Variants in MTHFD1 observed in about 807,000 individuals in gnomAD.
MTHFD1 encodes the protein methylenetetrahydrofolate dehydrogenase, cyclohydrolase and formyltetrahydrofolate synthetase 1.
In MTHFD1, 44 loss-of-function variants were observed where a neutral mutation model predicts 110.3. The ratio of observed to expected loss-of-function variants is 0.40; its 90% CI spans 0.31 to 0.51. The LOEUF is 0.51. Among genes scored for constraint, MTHFD1 ranks in the 20% least tolerant of loss-of-function variants. MTHFD1 has a pLI of 0.60. For missense variants in MTHFD1, 909 were observed against 1,173.1 expected, an observed-to-expected ratio of 0.77 and a Z score of 3.29; for synonymous variants, 402 against 428.8, an observed-to-expected ratio of 0.94 and a Z score of 0.77.
chr14:64,448,464 A>G (rs2236222), intron 23 of MTHFD1, 147 bp downstream of exon 23: 59,666 of 715,754 alleles, frequency 0.083, 2,868 homozygotes, highest in East Asian at 0.19. Flanking sequence ...CAGGCATTGC[A>G]TACGTCACTG....
chr14:64,406,040 TA>T, intron 2 of MTHFD1, among the ~76,000 whole-genome samples: 1 of 138,298 alleles, frequency 7.2e-6, no homozygotes, highest in Non-Finnish European at 1.6e-5. Flanking sequence ...TAATTATTAT[TA>T]TTATTATTTT....
At chr14:64,445,740 C>T (rs2078284991) in intron 22 of MTHFD1, among the ~76,000 whole-genome samples, 1 of 152,188 alleles carries the variant, frequency 6.6e-6, no homozygotes. Flanking sequence ...TCCTGCCACC[C>T]CACAGCCTTT....
In MTHFD1 at chr14:64,430,514, T is replaced by G. The variant is rs570624588; in HGVS notation, c.1311+284T>G. On this transcript the variant is annotated intron_variant, in intron 13 of 27. Coordinates refer to ENST00000652337, the MANE Select transcript of MTHFD1 (RefSeq NM_005956.4). ...GGTTTCACCGTGTTGGCCAAGCTGG[T>G]CTTGAACTCCTGACCTCGTGATCCG... 1.1e-4 allele frequency among the ~76,000 whole-genome samples: 17 copies of G among 152,346 alleles called. No individual in the cohort carries two copies. The East Asian group carries it at 3.3e-3, about 29-fold the overall frequency.
At chr14:64,390,929 A>G (rs955633490) in intron 1 of MTHFD1, among the ~76,000 whole-genome samples, 1 of 152,050 alleles carries the variant, frequency 6.6e-6, no homozygotes, top group Non-Finnish European at 1.5e-5. Flanking sequence ...GATTACAGGC[A>G]TGAGCCACTG....
At chr14:64,421,797 T>G (rs1286305064) in intron 8 of MTHFD1, among the ~76,000 whole-genome samples, 6 of 152,026 alleles carry the variant, frequency 3.9e-5, no homozygotes, top group Non-Finnish European at 8.8e-5. Context: ...CTAATTTTTT[T>G]TGTATTTTTA....
At chr14:64,458,549 A>T (rs2140994060) in intron 27 of MTHFD1, 1 of 529,712 alleles carries the variant, frequency 1.9e-6, no homozygotes. Context: ...TTGACAGTGT[A>T]GGGGAGAAAA....
chr14:64,389,364 C>T (rs1372600593), intron 1 of MTHFD1, among the ~76,000 whole-genome samples: 1 of 152,142 alleles, frequency 6.6e-6, no homozygotes, highest in Non-Finnish European at 1.5e-5. Context: ...TTGTAATTGT[C>T]CTGTAACTCC....
At chr14:64,401,848 G>A (rs1446918809) in intron 2 of MTHFD1, among the ~76,000 whole-genome samples, 4 of 152,074 alleles carry the variant, frequency 2.6e-5, no homozygotes, top group African/African-American at 7.2e-5. Context: ...GAAAAGAGGG[G>A]CATTATTTTA....
chr14:64,428,930 C>G (rs1043125622), intron 12 of MTHFD1, among the ~76,000 whole-genome samples: 1 of 152,102 alleles, frequency 6.6e-6, no homozygotes, highest in African/African-American at 2.4e-5. Flanking sequence ...AACTTCAGCA[C>G]GAGCTATTCC....
intron 8 of MTHFD1, among the ~76,000 whole-genome samples, chr14:64,422,781 A>G (rs2078085068): frequency 6.6e-6 from 1 of 152,148 alleles, no homozygotes; most frequent in South Asian, 2.1e-4. Flanking sequence ...GGGGTAGATA[A>G]CCAAAAGGTT....
intron 22 of MTHFD1, 192 bp downstream of exon 22, chr14:64,444,926 T>TAGGG: frequency 1.6e-6 from 1 of 634,984 alleles, no homozygotes. Context: ...CAAAATAGAA[T>TAGGG]TGTCCCACAT....
At chr14:64,431,479 T>C (rs1171523322) in intron 13 of MTHFD1, 53 bp from the exon 14 acceptor site, 1 of 1,465,256 alleles carries the variant, frequency 6.8e-7, no homozygotes, top group Non-Finnish European at 9.5e-7. Context: ...AGAATGAAAG[T>C]TGGAAAGATA....
intron 2 of MTHFD1, among the ~76,000 whole-genome samples, 191 bp downstream of exon 2, chr14:64,401,068 T>G (rs1023502734): frequency 4.6e-5 from 7 of 152,240 alleles, no homozygotes; most frequent in Admixed American, 4.6e-4. Flanking sequence ...TCTGCTCTTC[T>G]CTGTGGATAC....
At chr14:64,456,929 T>A (rs181937025) in intron 26 of MTHFD1, among the ~76,000 whole-genome samples, 1 of 152,208 alleles carries the variant, frequency 6.6e-6, no homozygotes, top group Admixed American at 6.5e-5. Context: ...TTGGAACTTG[T>A]GTGTATTCAT....
Position 64,426,052 on chromosome 14 carries a change from G to A in MTHFD1, c.987G>A (p.Lys329=). ...ATATATCACGATCTTGTAAACCGAA[G>A]CCCATTGGTAAGCTGGCTCGAGAAA... ...DIDISRSCKP[K]PIGKLAREIG... is the part of the protein sequence containing the mutation. Residue 329 remains lysine, a synonymous_variant, in exon 11 of 28, where the codon AAG becomes AAA. Coordinates refer to ENST00000652337, the MANE Select transcript of MTHFD1 (RefSeq NM_005956.4). 6.2e-7 allele frequency: 1 copy of A among 1,613,704 alleles called. No homozygotes were observed. The highest frequency in any genetic ancestry group is 8.5e-7 in the Non-Finnish European group (1 of 1,180,036).
chr14:64,415,155 G>A (rs1488564431), intron 4 of MTHFD1, among the ~76,000 whole-genome samples: 1 of 152,134 alleles, frequency 6.6e-6, no homozygotes, highest in Non-Finnish European at 1.5e-5. Flanking sequence ...TTTATTTGAT[G>A]GACTTCTTAC....
intron 26 of MTHFD1, among the ~76,000 whole-genome samples, chr14:64,455,842 G>A (rs1218969339): frequency 1.3e-5 from 2 of 152,176 alleles, no homozygotes; most frequent in Admixed American, 1.3e-4. Context: ...CACACTGTAG[G>A]CAACATCATC....
At chr14:64,432,969 C>T (rs759485841) in intron 15 of MTHFD1, among the ~76,000 whole-genome samples, 7 of 152,184 alleles carry the variant, frequency 4.6e-5, no homozygotes, top group African/African-American at 7.2e-5. Flanking sequence ...ACCATATTGT[C>T]CAGGCTGGTC....
intron 17 of MTHFD1, among the ~76,000 whole-genome samples, chr14:64,439,571 G>C (rs562393888): frequency 9.7e-4 from 148 of 152,246 alleles, no homozygotes; most frequent in Middle Eastern, 3.4e-3. Context: ...TAAAATCATA[G>C]CTTTTTGGTC....
Sources: gnomAD v4.1 joint callset for allele counts (sites outside exome capture counted in the v4.1 genomes callset) on GRCh38, gnomAD v4.1.1 for gene constraint, MANE v1.5 for transcripts, NCBI Gene and HGNC (gene_info 2026-07-23, HGNC 2026-07-21) for gene names.